The following DCAF7 variants were observed in gnomAD, a reference collection of about 807,000 sequenced individuals.
The protein encoded by DCAF7 is DDB1 and CUL4 associated factor 7, also known as DDB1- and CUL4-associated factor 7.
In DCAF7, 4 loss-of-function variants were observed where a neutral mutation model predicts 41.2. The ratio of observed to expected loss-of-function variants is 0.10; its 90% CI spans 0.05 to 0.22. The LOEUF is 0.22. DCAF7 is among the 10% of genes least tolerant of loss of function. DCAF7 has a pLI of 1.00. For missense variants in DCAF7, 131 were observed against 443.2 expected (o/e 0.30, Z 6.32); for synonymous variants, 143 against 164.2 (o/e 0.87, Z 0.99).
intron 1 of DCAF7, among the ~76,000 whole-genome samples, chr17:63,567,477 AG>A (rs142557460): frequency 0.015 from 2,280 of 152,350 alleles, 21 homozygotes; most frequent in Non-Finnish European, 0.024. Flanking sequence ...TAGAACATTC[AG>A]GTGGGCCAGG....
In DCAF7 at chr17:63,582,968, G is replaced by T. The variant is rs371357987; in HGVS notation, c.529-534G>T. Among the ~76,000 whole-genome samples, 15 of 152,320 alleles carry T rather than the reference G, an allele frequency of 9.8e-5. No individual in the cohort carries two copies. The South Asian group carries it at 3.1e-3, about 32-fold the overall frequency. Reference sequence around the variant, plus strand: ...GCTACTAACCTATTTGTGAATACAGGAACATCTAGGCCTCCCGTGACTCAA... The same window carrying T: ...GCTACTAACCTATTTGTGAATACAGTAACATCTAGGCCTCCCGTGACTCAA... On this transcript the variant is annotated intron_variant, in intron 4 of 6. Transcript: ENST00000614556.
intron 1 of DCAF7, among the ~76,000 whole-genome samples, chr17:63,576,368 C>T: frequency 6.6e-6 from 1 of 151,996 alleles, no homozygotes; most frequent in East Asian, 1.9e-4. Flanking sequence ...ATTGCTTGAA[C>T]CAAGGAGGTG....
At chr17:63,553,722 G>A (rs2033282409) in intron 1 of DCAF7, among the ~76,000 whole-genome samples, 1 of 152,188 alleles carries the variant, frequency 6.6e-6, no homozygotes, top group African/African-American at 2.4e-5. Context: ...AAACATGGTT[G>A]TAATTTTTAA....
At chr17:63,578,380 C>T in intron 1 of DCAF7, 90 bp from the exon 2 acceptor site, 1 of 1,557,176 alleles carries the variant, frequency 6.4e-7, no homozygotes, top group Non-Finnish European at 8.7e-7. Context: ...AAAAAACAAA[C>T]AAAAAAAACC....
intron 1 of DCAF7, among the ~76,000 whole-genome samples, chr17:63,577,112 G>C (rs1422512709): frequency 6.6e-6 from 1 of 152,162 alleles, no homozygotes; most frequent in Non-Finnish European, 1.5e-5. Flanking sequence ...ATAGATCAGT[G>C]GCTACTTGGG....
intron 1 of DCAF7, among the ~76,000 whole-genome samples, chr17:63,563,523 C>T (rs919505656): frequency 1.3e-5 from 2 of 152,148 alleles, no homozygotes; most frequent in Non-Finnish European, 2.9e-5. Context: ...AGTTCATAAA[C>T]ACATATGTAC....
chr17:63,569,768 A>C (rs1031432708), intron 1 of DCAF7, among the ~76,000 whole-genome samples: 2 of 152,126 alleles, frequency 1.3e-5, no homozygotes, highest in African/African-American at 4.8e-5. Flanking sequence ...GGTGGGGTGC[A>C]GTAGTACAAT....
At chr17:63,580,389 G>A (rs1281386726) in intron 4 of DCAF7, among the ~76,000 whole-genome samples, 1 of 150,532 alleles carries the variant, frequency 6.6e-6, no homozygotes, top group Non-Finnish European at 1.5e-5. Flanking sequence ...ATCCTAGTAT[G>A]TTCACTTAAT....
intron 1 of DCAF7, among the ~76,000 whole-genome samples, chr17:63,559,670 C>T (rs1459845355): frequency 6.6e-6 from 1 of 150,712 alleles, no homozygotes; most frequent in Non-Finnish European, 1.5e-5. Context: ...GGCATGGTGG[C>T]AGGTGCCTGT....
intron 1 of DCAF7, among the ~76,000 whole-genome samples, chr17:63,577,144 C>T (rs934448682): frequency 1.3e-5 from 2 of 152,028 alleles, no homozygotes; most frequent in African/African-American, 2.4e-5. Context: ...GGGTTGACTG[C>T]GGAGGAGCCT....
chr17:63,579,928 C>T lies in DCAF7; in HGVS notation c.513C>T (p.Ile171=), dbSNP rs747763365. Residue 171 remains isoleucine (I), a synonymous_variant, in exon 4 of 7, where the codon ATC becomes ATT. Coordinates refer to ENST00000614556, the MANE Select transcript of DCAF7 (RefSeq NM_005828.5). ...LVSGHVKTQL[I]AHDKEVYDIA... The stretch of plus-strand genomic sequence containing the variant: ...CTGGCCACGTGAAGACCCAGCTGAT[C>T]GCCCATGACAAAGAGGTAAGATGCT... The T allele has an allele frequency of 5.6e-6, 9 of 1,613,594 alleles. No individual in the cohort carries two copies. The highest frequency in any genetic ancestry group is 3.3e-5 in the South Asian group (3 of 91,022).
intron 1 of DCAF7, among the ~76,000 whole-genome samples, chr17:63,575,829 C>A (rs1044077026): frequency 1.3e-5 from 2 of 152,222 alleles, no homozygotes; most frequent in African/African-American, 2.4e-5. Context: ...TCTCAGCAGG[C>A]TTTTTGTAAA....
chr17:63,551,547 T>C (rs1265288531), intron 1 of DCAF7, among the ~76,000 whole-genome samples: 1 of 152,112 alleles, frequency 6.6e-6, no homozygotes, highest in Non-Finnish European at 1.5e-5. Context: ...TTGAGAATCC[T>C]TTATAGAAGC....
At chr17:63,588,872 A>G (rs2033705214) in intron 6 of DCAF7, 128 bp from the exon 7 acceptor site, 1 of 1,006,808 alleles carries the variant, frequency 9.9e-7, no homozygotes, top group Non-Finnish European at 1.4e-6. Context: ...CATCGATAAA[A>G]TGGGGGCTTA....
chr17:63,579,499 T>C, intron 3 of DCAF7, 51 bp downstream of exon 3: 6 of 1,389,022 alleles, frequency 4.3e-6, no homozygotes, highest in Non-Finnish European at 6.0e-6. Context: ...CAAAATAAAT[T>C]TTCTCAGATG....
intron 1 of DCAF7, among the ~76,000 whole-genome samples, chr17:63,575,176 T>G (rs2033548273): frequency 6.6e-6 from 1 of 151,354 alleles, no homozygotes; most frequent in Non-Finnish European, 1.5e-5. Context: ...AAAATAAAAA[T>G]TAAAATTAGC....
chr17:63,563,970 A>G (rs2033411974), intron 1 of DCAF7, among the ~76,000 whole-genome samples: 2 of 152,260 alleles, frequency 1.3e-5, no homozygotes, highest in East Asian at 3.9e-4. Context: ...TATTTTGTCA[A>G]ATTAATAGAG....
chr17:63,568,024 T>C (rs1190326423), intron 1 of DCAF7, among the ~76,000 whole-genome samples: 3 of 151,784 alleles, frequency 2.0e-5, no homozygotes, highest in African/African-American at 7.3e-5. Flanking sequence ...TGTTTTGTTA[T>C]TGTTTTTGTT....
Position 63,583,509 on chromosome 17 carries a change from A to G in DCAF7, c.536A>G (p.Asp179Gly). ...CTTCTTGTTCACCAACAGGTCTATG[A>G]TATTGCATTTAGCCGGGCCGGGGGT... is the stretch of plus-strand genomic sequence containing the variant. ...QLIAHDKEVY[D>G]IAFSRAGGGR... The change falls in exon 5 of 7, where the codon GAT becomes GGT. Residue 179 changes from aspartate to glycine, a missense_variant. By Grantham distance (94) the Asp-to-Gly change is moderately conservative. Transcript: ENST00000614556. 1 of 1,613,720 alleles carries G rather than the reference A, an allele frequency of 6.2e-7. No individual in the cohort carries two copies. Among genetic ancestry groups the G allele is most frequent in the Non-Finnish European group, 8.5e-7 (1 of 1,179,778 alleles).
Sources: gnomAD v4.1 joint callset for allele counts (sites outside exome capture counted in the v4.1 genomes callset) on GRCh38, gnomAD v4.1.1 for gene constraint, MANE v1.5 for transcripts, NCBI Gene and HGNC (gene_info 2026-07-23, HGNC 2026-07-21) for gene names.